VPS16: variants seen among roughly 807,000 people sequenced by gnomAD.
VPS16 encodes vacuolar protein sorting-associated protein 16 homolog.
In VPS16, 82 loss-of-function variants were observed where a neutral mutation model predicts 116.0. The observed-to-expected ratio is 0.71, with a 90% CI of 0.59 to 0.85. VPS16 has a LOEUF of 0.85. VPS16 is among the 40% of genes least tolerant of loss of function. The pLI, the probability that VPS16 is intolerant of heterozygous loss-of-function variation, is 0.00. For synonymous variants in VPS16, 406 were observed against 420.7 expected (o/e 0.96, Z 0.43); for missense variants, 928 against 1,090.6 (o/e 0.85, Z 2.10).
In VPS16 at chr20:2,866,284, G is replaced by A. The variant is rs2089343403; in HGVS notation, c.2344G>A (p.Glu782Lys). 3.1e-6 allele frequency: 5 copies of A among 1,613,970 alleles called. No individual in the cohort carries two copies. Among genetic ancestry groups the A allele is most frequent in the Non-Finnish European group, 2.5e-6 (3 of 1,180,046 alleles). ...GAAGTATGCTTCCCGCGTGGGTCCC[G>A]AGCAGAAGGTCAAGGCTTTGCTTCT... ...AKKYASRVGP[E>K]QKVKALLLVG... The change falls in exon 23 of 24, where the codon GAG (glutamate) becomes AAG (lysine). Residue 782 changes from glutamate to lysine, a missense_variant. By Grantham distance (56) the Glu-to-Lys change is moderately conservative. Coordinates refer to ENST00000380445, the MANE Select transcript of VPS16 (RefSeq NM_022575.4).
At chr20:2,859,977 G>A in intron 2 of VPS16, 77 bp from the exon 3 acceptor site, 1 of 1,579,628 alleles carries the variant, frequency 6.3e-7, no homozygotes, top group South Asian at 1.1e-5. Flanking sequence ...GTGGGCCTGG[G>A]GAGCCAGGAT....
intron 1 of VPS16, among the ~76,000 whole-genome samples, chr20:2,847,871 C>T (rs1019774927): frequency 1.6e-4 from 25 of 152,302 alleles, no homozygotes; most frequent in African/African-American, 5.8e-4. Flanking sequence ...GATCCTCATT[C>T]ATGGAGCCCT....
chr20:2,854,461 C>T (rs1057341650), intron 1 of VPS16, among the ~76,000 whole-genome samples: 50 of 150,962 alleles, frequency 3.3e-4, no homozygotes, highest in African/African-American at 1.0e-3. Context: ...ACAAAAAAAA[C>T]GAGAGAGAGA....
At position 2,863,846 on chromosome 20, in the gene VPS16, AG is replaced by A; in HGVS notation, c.1477-100del. 6.9e-7 allele frequency: 1 copy of A among 1,443,880 alleles called. No individual in the cohort carries two copies. The highest frequency in any genetic ancestry group is 1.3e-5 in the South Asian group (1 of 75,808). 89.4% of individuals were successfully genotyped at this position (1,443,880 alleles called of 1,614,324 possible). A position where few individuals can be genotyped will look rare whatever the true frequency, so the allele number is the denominator to read the frequency against. On this transcript the variant is annotated intron_variant, in intron 15 of 23. Coordinates refer to ENST00000380445, the MANE Select transcript of VPS16 (RefSeq NM_022575.4). This position sits in a 1 kb window ranked among gnomAD's most constrained non-coding sequence, Gnocchi z 4.4. ...GAGAGAAAGAAAGAAAGAAGAAGGA[AG>A]GGAGGGAGGAAGGGAACTGAAGGGG...
chr20:2,858,731 A>G (rs186636412), intron 1 of VPS16, among the ~76,000 whole-genome samples: 7 of 151,510 alleles, frequency 4.6e-5, no homozygotes, highest in Admixed American at 2.6e-4. Flanking sequence ...CCCTACTCCA[A>G]CTTCCCATGC....
In VPS16 at chr20:2,860,482, A is replaced by G. The variant is rs142523523; in HGVS notation, c.403A>G (p.Ile135Val). Reference protein sequence around the residue: ...VLQNRVLDARIFHTEFGSGVA... With the variant: ...VLQNRVLDARVFHTEFGSGVA... The stretch of plus-strand genomic sequence containing the variant: ...CCAGAACCGGGTTCTGGATGCCCGG[A>G]TCTTTCACACTGAGTTTGGTTCCGG... The change falls in exon 5 of 24, where the codon ATC becomes GTC. Residue 135 changes from isoleucine to valine, a missense_variant. By Grantham distance (29) the Ile-to-Val change is conservative. Transcript: ENST00000380445. This position sits in a 1 kb window ranked among gnomAD's most constrained non-coding sequence, Gnocchi z 6.1. 9.3e-6 allele frequency: 15 copies of G among 1,613,826 alleles called. No individual in the cohort carries two copies. The highest frequency in any genetic ancestry group is 2.2e-5 in the East Asian group (1 of 44,888).
chr20:2,850,972 A>G (rs1306730737), intron 1 of VPS16, among the ~76,000 whole-genome samples: 2 of 149,928 alleles, frequency 1.3e-5, no homozygotes, highest in Non-Finnish European at 1.5e-5. Flanking sequence ...TGTCAAAAAA[A>G]AAAAAAAAAA....
rs776327460 is a variant in VPS16, at chr20:2,863,086, G to A, written c.1353G>A (p.Gln451=). ...ACAGATATAAGCAGCTCACCATCCA[G>A]GTGCTGCTGGACAGGTAGGGTAAGC... The part of the protein sequence containing the change: ...TYSQYKQLTI[Q]VLLDRLVLRR... Residue 451 remains glutamine (Q), a synonymous_variant, in exon 14 of 24, where the codon CAG becomes CAA. Transcript: ENST00000380445. The surrounding 1 kb of genome is among the most constrained non-coding windows in gnomAD (Gnocchi z 4.4). 6.2e-7 allele frequency: 1 copy of A among 1,613,924 alleles called. No homozygotes were observed. Among genetic ancestry groups the A allele is most frequent in the East Asian group, 2.2e-5 (1 of 44,878 alleles).
At chr20:2,843,662 G>A (rs1322698142) in intron 1 of VPS16, among the ~76,000 whole-genome samples, 1 of 152,162 alleles carries the variant, frequency 6.6e-6, no homozygotes, top group Non-Finnish European at 1.5e-5. Flanking sequence ...GATACCTGTT[G>A]CCTACCCAGG....
chr20:2,863,279 G>C lies in VPS16; in HGVS notation c.1368-11G>C, dbSNP rs1293869870. On this transcript the variant is annotated splice_polypyrimidine_tract_variant and intron_variant, in intron 14 of 23. Transcript: ENST00000380445. This position sits in a 1 kb window ranked among gnomAD's most constrained non-coding sequence, Gnocchi z 4.4. ...TCACTCCTTGTATCCTTTACCCACCGGGTCTACCAGGCTCGTGTTGCGGAG... is the reference window on the plus strand; with the variant it reads ...TCACTCCTTGTATCCTTTACCCACCCGGTCTACCAGGCTCGTGTTGCGGAG... 6.2e-7 allele frequency: 1 copy of C among 1,614,082 alleles called. No individual in the cohort carries two copies. Among genetic ancestry groups the C allele is most frequent in the Non-Finnish European group, 8.5e-7 (1 of 1,179,988 alleles).
intron 1 of VPS16, among the ~76,000 whole-genome samples, chr20:2,852,031 G>A (rs1053999726): frequency 2.6e-5 from 4 of 152,238 alleles, no homozygotes; most frequent in Non-Finnish European, 4.4e-5. Context: ...CTAGTGCACA[G>A]GCAGGATGCA....
chr20:2,860,380 G>C lies in VPS16; in HGVS notation c.369+13G>C. ...CAGCATGGGCAATGTAGGGGTCACA[G>C]AGGGCTGGGGACGCGGGGTAGAGTT... On this transcript the variant is annotated intron_variant, in intron 4 of 23. Coordinates refer to ENST00000380445, the MANE Select transcript of VPS16 (RefSeq NM_022575.4). This position sits in a 1 kb window ranked among gnomAD's most constrained non-coding sequence, Gnocchi z 6.1. 8.1e-6 allele frequency: 13 copies of C among 1,614,146 alleles called. No homozygotes were observed. Among genetic ancestry groups the C allele is most frequent in the Non-Finnish European group, 1.0e-5 (12 of 1,180,016 alleles).
chr20:2,850,354 T>G lies in VPS16; in HGVS notation c.54-9365T>G, dbSNP rs192797898. On this transcript the variant is annotated intron_variant, in intron 1 of 23. Coordinates refer to ENST00000380445, the MANE Select transcript of VPS16 (RefSeq NM_022575.4). ...AACAAAACAAAACAAAAAGGCCGGA[T>G]GCAGTGGCTCATGCCTGTAATCCCA... Among the ~76,000 whole-genome samples, 6 of 150,606 alleles carry G rather than the reference T, an allele frequency of 4.0e-5. No individual in the cohort carries two copies. In the East Asian group the frequency reaches 9.9e-4, roughly 25 times the overall value.
At chr20:2,852,714 C>T (rs181018421) in intron 1 of VPS16, among the ~76,000 whole-genome samples, 249 of 152,216 alleles carry the variant, frequency 1.6e-3, no homozygotes, top group Middle Eastern at 3.4e-3. Flanking sequence ...AACAAAAGTA[C>T]GTAACTTAAA....
In VPS16 at chr20:2,864,529, G is replaced by A; in HGVS notation, c.1819-18G>A. On this transcript the variant is annotated intron_variant, in intron 18 of 23. Transcript: ENST00000380445. This position sits in a 1 kb window ranked among gnomAD's most constrained non-coding sequence, Gnocchi z 5.2. ...CTTGAGTTGGCCTTGCTGACTGATT[G>A]CCTGCCTGTGGCCCCAGTTCTGTAA... 6.2e-7 allele frequency: 1 copy of A among 1,614,124 alleles called. No individual in the cohort carries two copies. Among genetic ancestry groups the A allele is most frequent in the Non-Finnish European group, 8.5e-7 (1 of 1,180,008 alleles).
Position 2,864,320 on chromosome 20 carries a change from G to C in VPS16, c.1720+33G>C, listed in dbSNP as rs772979177. Reference sequence around the variant, plus strand: ...CAAGGCTGGGGGGCCCCTGGGCTAAGTGGGAGCCTGGCTGGAATTCCCACT... The same window carrying C: ...CAAGGCTGGGGGGCCCCTGGGCTAACTGGGAGCCTGGCTGGAATTCCCACT... On this transcript the variant is annotated intron_variant, in intron 17 of 23. Coordinates refer to ENST00000380445, the MANE Select transcript of VPS16 (RefSeq NM_022575.4). The surrounding 1 kb of genome is among the most constrained non-coding windows in gnomAD (Gnocchi z 5.2). The C allele has an allele frequency of 6.2e-7, 1 of 1,614,048 alleles. No individual in the cohort carries two copies. The highest frequency in any genetic ancestry group is 1.1e-5 in the South Asian group (1 of 91,068).
At chr20:2,850,738 C>G (rs1420641962) in intron 1 of VPS16, among the ~76,000 whole-genome samples, 1 of 151,104 alleles carries the variant, frequency 6.6e-6, no homozygotes, top group South Asian at 2.1e-4. Context: ...GAGGCCGTGG[C>G]AGGCAGATCA....
chr20:2,848,959 C>T (rs761200598), intron 1 of VPS16, among the ~76,000 whole-genome samples: 2 of 152,138 alleles, frequency 1.3e-5, no homozygotes, highest in Non-Finnish European at 2.9e-5. Context: ...ATTGTCTTTG[C>T]TATTGGCAGC....
In VPS16 at chr20:2,861,623, G is replaced by A. The variant is rs150764829; in HGVS notation, c.818G>A (p.Arg273His). The change falls in exon 9 of 24, where the codon CGT becomes CAT. Residue 273 changes from arginine to histidine, a missense_variant. Physicochemically the swap from Arg to His is conservative, Grantham distance 29. Transcript: ENST00000380445. ...GTATATGCTGCTCACAGGTGCAGCC[G>A]TCCTCGTAGCAAGGAGAGGGCCGTG... Reference protein sequence around the residue: ...APPKQMVWCSRPRSKERAVVV... With the variant: ...APPKQMVWCSHPRSKERAVVV... 60 of 1,611,008 alleles carry A rather than the reference G, an allele frequency of 3.7e-5. No individual in the cohort carries two copies. The highest frequency in any genetic ancestry group is 1.3e-4 in the East Asian group (6 of 44,810).
Sources: gnomAD v4.1 joint callset for allele counts (sites outside exome capture counted in the v4.1 genomes callset) on GRCh38, gnomAD v4.1.1 for gene constraint, Gnocchi (gnomAD v3.1) non-coding constraint, MANE v1.5 for transcripts, NCBI Gene and HGNC (gene_info 2026-07-23, HGNC 2026-07-21) for gene names.